Variants in EP400 observed in about 807,000 individuals in gnomAD.
EP400 encodes E1A-binding protein p400.
Under a neutral mutation model 354.1 loss-of-function variants are expected in EP400, and 105 were observed. The ratio of observed to expected loss-of-function variants is 0.30; its 90% CI spans 0.25 to 0.35. EP400 has a LOEUF of 0.35. Ranked by LOEUF, EP400 falls within the 10% of genes least tolerant of loss-of-function variation. The pLI is 1.00. For missense variants in EP400, 3,280 were observed against 4,121.0 expected, an observed-to-expected ratio of 0.80 and a Z score of 5.59; for synonymous variants, 1,646 against 1,716.9, an observed-to-expected ratio of 0.96 and a Z score of 1.02.
chr12:132,034,675 C>T (rs897619444), intron 30 of EP400, among the ~76,000 whole-genome samples: 8 of 152,208 alleles, frequency 5.3e-5, no homozygotes, highest in African/African-American at 1.4e-4. Flanking sequence ...GGTTGGCTGT[C>T]GCAGTAACTG....
At chr12:131,957,286 C>A (rs565465173) in intron 1 of EP400, among the ~76,000 whole-genome samples, 1 of 152,070 alleles carries the variant, frequency 6.6e-6, no homozygotes, top group Non-Finnish European at 1.5e-5. Context: ...TTCAAATATT[C>A]TTTCCAAGAT....
intron 48 of EP400, chr12:132,066,492 G>A (rs1282222099): frequency 7.6e-6 from 3 of 395,822 alleles, no homozygotes; most frequent in Non-Finnish European, 1.3e-5. Flanking sequence ...GGAGATGGAG[G>A]GAAGTGAAGG....
At position 132,027,655 on chromosome 12, in the gene EP400, A is replaced by G; in HGVS notation, c.5109+124A>G. The G allele has an allele frequency of 1.3e-6, 1 of 763,034 alleles. No homozygotes were observed. The highest frequency in any genetic ancestry group is 2.0e-5 in the South Asian group (1 of 50,634). The allele number at this position is 763,034 out of a possible 1,614,324, so 47.3% of individuals were successfully genotyped here. A position where few individuals can be genotyped will look rare whatever the true frequency, so the allele number is the denominator to read the frequency against. ...TCTCAAGTGATGTTACTGAATTCTT[A>G]TTTTAAAACACACATTTTCTAATAA... On this transcript the variant is annotated intron_variant, in intron 26 of 52. Coordinates refer to ENST00000389561, the MANE Select transcript of EP400 (RefSeq NM_015409.5). This position sits in a 1 kb window ranked among gnomAD's most constrained non-coding sequence, Gnocchi z 4.9.
chr12:132,039,195 A>C (rs1056522653), intron 32 of EP400, among the ~76,000 whole-genome samples: 1 of 152,230 alleles, frequency 6.6e-6, no homozygotes, highest in African/African-American at 2.4e-5. Context: ...ATAAGTAAGA[A>C]ATACTTGGGG....
chr12:132,013,364 C>A lies in EP400; in HGVS notation c.3612-126C>A. On this transcript the variant is annotated intron_variant, in intron 17 of 52. Coordinates refer to ENST00000389561, the MANE Select transcript of EP400 (RefSeq NM_015409.5). This position sits in a 1 kb window ranked among gnomAD's most constrained non-coding sequence, Gnocchi z 4.5. ...GGTCAGTGCAGCCCCCCTTTTCAGG[C>A]ATGTGCACGTTGACATTTGCGGTGT... is the stretch of plus-strand genomic sequence containing the variant. The A allele has an allele frequency of 7.2e-7, 1 of 1,397,278 alleles. No homozygotes were observed. The highest frequency in any genetic ancestry group is 9.6e-7 in the Non-Finnish European group (1 of 1,037,260). The allele number at this position is 1,397,278 out of a possible 1,614,324, so 86.6% of individuals were successfully genotyped here.
rs1226408837 is a variant in EP400 at position 132,028,071 on chromosome 12, G to T, written c.5164G>T (p.Glu1722Ter). The change falls in exon 27 of 53, where the codon GAG (glutamate) becomes TAG (stop). Residue 1722 changes from glutamate to a stop codon, truncating the protein, a stop_gained. Transcript: ENST00000389561. LOFTEE classifies it high-confidence loss of function. ...CCTGGATCAGATTTATTTAGTCAAC[G>T]AGCGGCGCTGTTCTCAAGCTCCAGT... The part of the protein sequence containing the change: ...ERLDQIYLVN[E>*]RRCSQAPVYG... 1 of 1,614,056 alleles carries T rather than the reference G, an allele frequency of 6.2e-7. No homozygotes were observed.
chr12:132,003,254 A>G (rs1893478289), intron 12 of EP400, among the ~76,000 whole-genome samples: 2 of 151,920 alleles, frequency 1.3e-5, no homozygotes, highest in South Asian at 4.2e-4. Flanking sequence ...AAATAACAGT[A>G]CAACAATTAC....
At position 132,027,856 on chromosome 12, in the gene EP400, C is replaced by T. The variant is rs1322072021; in HGVS notation, c.5110-161C>T. ...TCATTTCCATCTCTATTTCCTGTAG[C>T]TCTCGGCTTCATTTCTATCTCTATT... is the stretch of plus-strand genomic sequence containing the variant. On this transcript the variant is annotated intron_variant, in intron 26 of 52. Transcript: ENST00000389561. The surrounding 1 kb of genome is among the most constrained non-coding windows in gnomAD (Gnocchi z 4.9). Among the ~76,000 whole-genome samples the T allele has an allele frequency of 6.6e-6, 1 of 152,162 alleles. No homozygotes were observed. The highest frequency in any genetic ancestry group is 1.5e-5 in the Non-Finnish European group (1 of 68,032).
rs1385771642 is a variant in EP400, at chr12:132,066,894, T to G, written c.8674T>G (p.Ser2892Ala). 1.9e-6 allele frequency: 3 copies of G among 1,613,192 alleles called. No homozygotes were observed. Among genetic ancestry groups the G allele is most frequent in the Non-Finnish European group, 2.5e-6 (3 of 1,179,674 alleles). The change falls in exon 49 of 53, where the codon TCA becomes GCA. Residue 2892 changes from serine to alanine, a missense_variant. Transcript: ENST00000389561. ...GTCCGTCCCGGCAGCTGTGGTCTCCTCACCGGGAGTCACCACCCTGCCCAT... is the reference window on the plus strand; with the variant it reads ...GTCCGTCCCGGCAGCTGTGGTCTCCGCACCGGGAGTCACCACCCTGCCCAT... ...VVSVPAAVVS[S>A]PGVTTLPMNV...
chr12:131,960,707 GCC>G lies in EP400; in HGVS notation c.90_91del (p.His31ProfsTer33). On this transcript the variant is annotated frameshift_variant, in exon 2 of 53. Coordinates refer to ENST00000389561, the MANE Select transcript of EP400 (RefSeq NM_015409.5). LOFTEE classifies it high-confidence loss of function. Reference protein sequence around the residue: ...CPGSEGEEQPAHPNPPPSPAA... With the variant: ...CPGSEGEEQPXHPNPPPSPAA... ...TGGCAGCGAGGGTGAGGAGCAGCCG[GCC>G]CACCCCAACCCACCCCCGTCCCCCG... 2.6e-6 allele frequency: 4 copies of G among 1,545,584 alleles called. No homozygotes were observed. The highest frequency in any genetic ancestry group is 1.2e-5 in the South Asian group (1 of 83,346).
chr12:132,043,762 T>C, intron 34 of EP400, 34 bp downstream of exon 34: 1 of 1,558,470 alleles, frequency 6.4e-7, no homozygotes, highest in Non-Finnish European at 8.7e-7. Context: ...GTGAAAAAAA[T>C]TTGCAATATT....
At chr12:132,024,567 C>T (rs1285878436) in intron 24 of EP400, among the ~76,000 whole-genome samples, 2 of 152,174 alleles carry the variant, frequency 1.3e-5, no homozygotes, top group Non-Finnish European at 2.9e-5. Context: ...AGTAACTGCT[C>T]TTTAAAAAAA....
chr12:132,025,666 T>C lies in EP400; in HGVS notation c.4876T>C (p.Ser1626Pro), dbSNP rs1469902011. 1.2e-6 allele frequency: 2 copies of C among 1,608,318 alleles called. No individual in the cohort carries two copies. Among genetic ancestry groups the C allele is most frequent in the Non-Finnish European group, 1.7e-6 (2 of 1,177,634 alleles). Residue 1626 changes from serine (S) to proline (P), a missense_variant, in exon 25 of 53, where the codon TCC becomes CCC. By Grantham distance (74) the Ser-to-Pro change is moderately conservative. Transcript: ENST00000389561. This position sits in a 1 kb window ranked among gnomAD's most constrained non-coding sequence, Gnocchi z 4.1. Reference sequence around the variant, plus strand: ...TGCAGGCAGCGTCCTCCAGATCGTGTCCGCCCCCGGGCAGCCCTACCTTCG... The same window carrying C: ...TGCAGGCAGCGTCCTCCAGATCGTGCCCGCCCCCGGGCAGCCCTACCTTCG... Reference protein sequence around the residue: ...QLQGSVLQIVSAPGQPYLRAP... With the variant: ...QLQGSVLQIVPAPGQPYLRAP...
At chr12:131,991,161 G>T (rs146425630) in intron 9 of EP400, among the ~76,000 whole-genome samples, 1 of 152,322 alleles carries the variant, frequency 6.6e-6, no homozygotes, top group African/African-American at 2.4e-5. Flanking sequence ...CCCCAGGAGG[G>T]TGGGCATTGT....
chr12:132,021,547 G>A (rs545836650), intron 23 of EP400, among the ~76,000 whole-genome samples: 156 of 152,354 alleles, frequency 1.0e-3, no homozygotes, highest in African/African-American at 3.6e-3. Context: ...TCTCTCTCCT[G>A]ACCCCGCCAT....
At chr12:132,034,670 G>T (rs75776063) in intron 30 of EP400, among the ~76,000 whole-genome samples, 1,654 of 152,354 alleles carry the variant, frequency 0.011, 31 homozygotes, top group African/African-American at 0.038. Context: ...ACAAAGGTTG[G>T]CTGTCGCAGT....
intron 30 of EP400, among the ~76,000 whole-genome samples, chr12:132,032,519 T>A (rs1286815379): frequency 6.6e-6 from 1 of 152,110 alleles, no homozygotes; most frequent in Non-Finnish European, 1.5e-5. Flanking sequence ...AAAGTACGAT[T>A]TAGATTTTGG....
chr12:131,981,989 G>A, intron 4 of EP400, 104 bp from the exon 5 acceptor site: 2 of 1,410,986 alleles, frequency 1.4e-6, no homozygotes, highest in Non-Finnish European at 1.9e-6. Context: ...AGTGTGGTGG[G>A]TCTTGGACAA....
intron 30 of EP400, among the ~76,000 whole-genome samples, chr12:132,032,476 G>A (rs982362487): frequency 5.9e-5 from 9 of 152,256 alleles, no homozygotes; most frequent in African/African-American, 1.7e-4. Flanking sequence ...CAGTTTTTAC[G>A]TGTGGTACCT....
Sources: allele counts gnomAD v4.1 joint callset (sites outside exome capture counted in the v4.1 genomes callset), GRCh38; gene constraint gnomAD v4.1.1; non-coding constraint Gnocchi (gnomAD v3.1); transcripts MANE v1.5; gene names NCBI Gene and HGNC (gene_info 2026-07-23, HGNC 2026-07-21).